Variants in MS4A12 observed in about 807,000 individuals in gnomAD.
MS4A12 encodes the protein membrane spanning 4-domains A12.
In MS4A12, 28 loss-of-function variants were observed where a neutral mutation model predicts 23.7. That is an observed-to-expected ratio of 1.18 (90% confidence interval 0.88 to 1.62). MS4A12 has a LOEUF of 1.62. Ranked by LOEUF, MS4A12 falls within the 40% of genes most tolerant of loss-of-function variation. The probability of loss-of-function intolerance (pLI) is 0.00; values close to 1 mark genes in which losing one functional copy is unlikely to be tolerated. For synonymous variants in MS4A12, 108 were observed against 110.1 expected, an observed-to-expected ratio of 0.98 and a Z score of 0.12; for missense variants, 342 against 327.0, an observed-to-expected ratio of 1.05 and a Z score of -0.35.
At chr11:60,498,229 A>G (rs1480068515) in intron 2 of MS4A12, among the ~76,000 whole-genome samples, 6 of 152,216 alleles carry the variant, frequency 3.9e-5, no homozygotes, top group Non-Finnish European at 7.3e-5. Context: ...CGTGCTTTCC[A>G]AATACATCAT....
chr11:60,503,671 T>C (rs751760557), intron 4 of MS4A12, 30 bp from the exon 5 acceptor site: 3 of 1,528,108 alleles, frequency 2.0e-6, no homozygotes, highest in Admixed American at 1.7e-5. Flanking sequence ...ATCCTGTATA[T>C]AATTGATTTT....
At chr11:60,503,869 G>A (rs774823969) in intron 5 of MS4A12, 52 bp downstream of exon 5, 2 of 1,491,082 alleles carry the variant, frequency 1.3e-6, no homozygotes, top group African/African-American at 1.4e-5. Flanking sequence ...GTCCCGTAAA[G>A]TGGGTCTATG....
rs192778369 is a variant in MS4A12, at chr11:60,493,269, G to A, written c.-7+441G>A. ...CAGGTGCCTGTAATCCCAGCTACTC[G>A]GGGGGCTGAGGCAGGAGAATCACGT... On this transcript the variant is annotated intron_variant, in intron 1 of 6. Coordinates refer to ENST00000016913, the MANE Select transcript of MS4A12 (RefSeq NM_017716.3). 4.1e-3 allele frequency among the ~76,000 whole-genome samples: 624 copies of A among 151,890 alleles called. 4 individuals carry two copies. Among genetic ancestry groups the A allele is most frequent in the Non-Finnish European group, 5.8e-3 (394 of 67,938 alleles).
chr11:60,497,866 C>A (rs757666984), intron 2 of MS4A12: 9 of 321,986 alleles, frequency 2.8e-5, no homozygotes, highest in Admixed American at 1.4e-4. Flanking sequence ...AGCTTGATCT[C>A]ATTTCTTCAA....
At chr11:60,498,307 G>C (rs564970364) in intron 2 of MS4A12, among the ~76,000 whole-genome samples, 1 of 152,292 alleles carries the variant, frequency 6.6e-6, no homozygotes, top group East Asian at 1.9e-4. Flanking sequence ...AAAATGCTCT[G>C]CTGGAGCATT....
At chr11:60,501,878 G>A (rs1237843812) in intron 3 of MS4A12, 105 bp from the exon 4 acceptor site, 1 of 1,039,598 alleles carries the variant, frequency 9.6e-7, no homozygotes, top group East Asian at 2.4e-5. Context: ...AAAATTTTGA[G>A]AAGGAAACTA....
intron 1 of MS4A12, among the ~76,000 whole-genome samples, chr11:60,494,194 C>T (rs528568310): frequency 6.6e-6 from 1 of 152,228 alleles, no homozygotes; most frequent in South Asian, 2.1e-4. Flanking sequence ...CAGAACTTGA[C>T]CCAGTAAAAA....
intron 1 of MS4A12, among the ~76,000 whole-genome samples, chr11:60,495,138 G>A (rs1327891028): frequency 9.6e-5 from 13 of 134,962 alleles, no homozygotes; most frequent in African/African-American, 2.0e-4. Context: ...GACTACAGGC[G>A]ACCACCACTA....
chr11:60,493,901 A>G (rs2086468294), intron 1 of MS4A12, among the ~76,000 whole-genome samples: 1 of 152,178 alleles, frequency 6.6e-6, no homozygotes, highest in Admixed American at 6.5e-5. Flanking sequence ...CTTTAGTCTT[A>G]TACTTTTGAT....
At position 60,503,728 on chromosome 11, in the gene MS4A12, G is replaced by C; in HGVS notation, c.499G>C (p.Val167Leu). 1 of 1,613,420 alleles carries C rather than the reference G, an allele frequency of 6.2e-7. No individual in the cohort carries two copies. Among genetic ancestry groups the C allele is most frequent in the Non-Finnish European group, 8.5e-7 (1 of 1,179,678 alleles). ...LVKGSLGMNI[V>L]SSILAFIGVI... ...GAAAGGCAGCCTGGGAATGAACATTGTTAGTTCTATCTTGGCCTTCATTGG... is the reference window on the plus strand; with the variant it reads ...GAAAGGCAGCCTGGGAATGAACATTCTTAGTTCTATCTTGGCCTTCATTGG... Residue 167 changes from valine to leucine, a missense_variant, in exon 5 of 7, where the codon GTT (valine) becomes CTT (leucine). By Grantham distance (32) the Val-to-Leu change is conservative (BLOSUM62 1). Transcript: ENST00000016913.
At chr11:60,494,324 T>C (rs1373997782) in intron 1 of MS4A12, among the ~76,000 whole-genome samples, 1 of 152,076 alleles carries the variant, frequency 6.6e-6, no homozygotes, top group Non-Finnish European at 1.5e-5. Context: ...TGTTGATAAA[T>C]AAATGAAAAG....
chr11:60,502,570 A>T (rs2155711), intron 4 of MS4A12, among the ~76,000 whole-genome samples: 87,102 of 152,064 alleles, frequency 0.57, 25,114 homozygotes, highest in East Asian at 0.67. Context: ...TGAGTAAGAC[A>T]GGACTTTGAG....
chr11:60,504,143 G>T (rs1321936824), intron 5 of MS4A12, among the ~76,000 whole-genome samples: 1 of 152,136 alleles, frequency 6.6e-6, no homozygotes, highest in Non-Finnish European at 1.5e-5. Flanking sequence ...ATATAAATAA[G>T]GTAGTCAAGC....
intron 1 of MS4A12, among the ~76,000 whole-genome samples, chr11:60,495,153 C>T (rs966474432): frequency 1.7e-5 from 2 of 118,538 alleles, no homozygotes; most frequent in Non-Finnish European, 1.8e-5. Flanking sequence ...CCACTACACC[C>T]GGCTAATTTT....
intron 5 of MS4A12, 134 bp downstream of exon 5, chr11:60,503,951 T>C: frequency 1.4e-6 from 1 of 708,052 alleles, no homozygotes; most frequent in Non-Finnish European, 2.3e-6. Flanking sequence ...CCCCTAGTCA[T>C]ATGATCTCTA....
At position 60,507,246 on chromosome 11, in the gene MS4A12, GT is replaced by G. The variant is rs2086578174; in HGVS notation, c.*127del. The G allele has an allele frequency of 1.2e-6, 1 of 809,272 alleles. No homozygotes were observed. The highest frequency in any genetic ancestry group is 2.0e-6 in the Non-Finnish European group (1 of 508,442). 50.1% of individuals were successfully genotyped at this position (809,272 alleles called of 1,614,324 possible). On this transcript the variant is annotated 3_prime_UTR_variant, in exon 7 of 7. Transcript: ENST00000016913. ...TCTTTAAAAACTGTGTTTGAGATTT[GT>G]TTTTAGGTTGGTCGCTAATGATGGC... is the stretch of plus-strand genomic sequence containing the variant.
At chr11:60,506,298 C>T (rs2086569126) in intron 5 of MS4A12, among the ~76,000 whole-genome samples, 1 of 152,188 alleles carries the variant, frequency 6.6e-6, no homozygotes, top group South Asian at 2.1e-4. Context: ...TCTTTCCACA[C>T]ATCCATTCTT....
chr11:60,500,400 A>C (rs1365250652), intron 2 of MS4A12, among the ~76,000 whole-genome samples: 1 of 152,218 alleles, frequency 6.6e-6, no homozygotes, highest in Non-Finnish European at 1.5e-5. Context: ...AAGGTAGAGC[A>C]GAGCTGAGCA....
chr11:60,503,172 T>G (rs2086543865), intron 4 of MS4A12, among the ~76,000 whole-genome samples: 1 of 152,136 alleles, frequency 6.6e-6, no homozygotes, highest in African/African-American at 2.4e-5. Context: ...AAAGCCTAAA[T>G]TTTCTCCTTC....
Sources: gnomAD v4.1 joint callset for allele counts (sites outside exome capture counted in the v4.1 genomes callset) on GRCh38, gnomAD v4.1.1 for gene constraint, MANE v1.5 for transcripts, NCBI Gene and HGNC (gene_info 2026-07-23, HGNC 2026-07-21) for gene names.